Variants in SBF2 observed in about 807,000 individuals in gnomAD.
SBF2 encodes the protein SET binding factor 2, also known as myotubularin-related protein 13.
SBF2 carries 112 observed loss-of-function variants against 225.2 expected under a neutral mutation model. The ratio of observed to expected loss-of-function variants is 0.50; its 90% confidence interval spans 0.43 to 0.58. The LOEUF is 0.58. SBF2 is among the 20% of genes least tolerant of loss of function. The pLI is 0.00. For synonymous variants in SBF2, 763 were observed against 773.3 expected (o/e 0.99, Z 0.22); for missense variants, 1,996 against 2,206.2 (o/e 0.90, Z 1.91).
chr11:9,897,431 T>C (rs1010991718), intron 16 of SBF2, among the ~76,000 whole-genome samples: 2 of 151,946 alleles, frequency 1.3e-5, no homozygotes, highest in East Asian at 1.9e-4. Flanking sequence ...AGAGACGGGG[T>C]TTAACTCCTG....
At chr11:9,861,438 C>A (rs1450744823) in intron 17 of SBF2, among the ~76,000 whole-genome samples, 1 of 152,108 alleles carries the variant, frequency 6.6e-6, no homozygotes, top group South Asian at 2.1e-4. Flanking sequence ...CTGAGACAGG[C>A]AGATCACTGA....
At chr11:9,855,812 G>T (rs1455651730) in intron 19 of SBF2, among the ~76,000 whole-genome samples, 1 of 152,198 alleles carries the variant, frequency 6.6e-6, no homozygotes, top group Non-Finnish European at 1.5e-5. Context: ...ATAAAGTGAG[G>T]AAGTGATTCT....
intron 2 of SBF2, among the ~76,000 whole-genome samples, chr11:10,050,322 A>G (rs924415775): frequency 6.6e-6 from 1 of 152,200 alleles, no homozygotes; most frequent in African/African-American, 2.4e-5. Flanking sequence ...ATATAGGCAT[A>G]TAAGTCCCCT....
intron 17 of SBF2, among the ~76,000 whole-genome samples, chr11:9,885,749 G>A (rs1416867850): frequency 6.6e-6 from 1 of 152,106 alleles, no homozygotes; most frequent in East Asian, 1.9e-4. Context: ...TTATTCTGTT[G>A]TAAAAATTTT....
chr11:10,260,884 G>T (rs539529826), intron 1 of SBF2, among the ~76,000 whole-genome samples: 338 of 84,146 alleles, frequency 4.0e-3, no homozygotes, highest in Admixed American at 0.014. Context: ...CCTCAAAAAA[G>T]AAAAGAAAGA....
chr11:10,261,571 G>A (rs1173709110), intron 1 of SBF2, among the ~76,000 whole-genome samples: 2 of 152,084 alleles, frequency 1.3e-5, no homozygotes, highest in Non-Finnish European at 2.9e-5. Context: ...AGATGTGGTC[G>A]TTTCTTATAA....
At chr11:10,194,791 G>A (rs1957301422) in intron 1 of SBF2, among the ~76,000 whole-genome samples, 1 of 152,160 alleles carries the variant, frequency 6.6e-6, no homozygotes, top group African/African-American at 2.4e-5. Context: ...GATTACAGGT[G>A]TGAGCCACTG....
At chr11:10,268,081 T>C (rs796824165) in intron 1 of SBF2, among the ~76,000 whole-genome samples, 7 of 152,320 alleles carry the variant, frequency 4.6e-5, no homozygotes, top group African/African-American at 1.7e-4. Context: ...ATTTATAAAA[T>C]TCACTCCAGT....
At chr11:10,173,452 C>T (rs1339478444) in intron 2 of SBF2, among the ~76,000 whole-genome samples, 1 of 152,242 alleles carries the variant, frequency 6.6e-6, no homozygotes, top group Non-Finnish European at 1.5e-5. Flanking sequence ...GCTTTTCCGA[C>T]AGGCTTAAAA....
At chr11:9,910,890 C>CAAAAAAAAAAAAA (rs68011518) in intron 16 of SBF2, among the ~76,000 whole-genome samples, 1 of 93,604 alleles carries the variant, frequency 1.1e-5, no homozygotes, top group Non-Finnish European at 2.0e-5. Context: ...TACTAAAATA[C>CAAAAAAAAAAAAA]AAAAAAAAAA....
At chr11:10,193,598 C>T (rs57458435) in intron 2 of SBF2, among the ~76,000 whole-genome samples, 1 of 152,102 alleles carries the variant, frequency 6.6e-6, no homozygotes, top group Non-Finnish European at 1.5e-5. Flanking sequence ...GTAATCCGCC[C>T]GCCTTGGCCT....
chr11:10,246,371 C>T (rs1473329715), intron 1 of SBF2, among the ~76,000 whole-genome samples: 2 of 152,202 alleles, frequency 1.3e-5, no homozygotes, highest in African/African-American at 2.4e-5. Flanking sequence ...GCAACCTCCG[C>T]CTCCCGGGTT....
At chr11:9,876,659 A>G (rs1859268618) in intron 17 of SBF2, among the ~76,000 whole-genome samples, 1 of 152,218 alleles carries the variant, frequency 6.6e-6, no homozygotes. Flanking sequence ...TTGAGAAAAT[A>G]AATTTCTGTT....
intron 7 of SBF2, among the ~76,000 whole-genome samples, chr11:10,002,072 G>T (rs770705797): frequency 6.6e-6 from 1 of 152,108 alleles, no homozygotes; most frequent in South Asian, 2.1e-4. Context: ...TGCAGTAATT[G>T]TCAACTTTGA....
intron 2 of SBF2, among the ~76,000 whole-genome samples, chr11:10,159,819 G>A (rs972730448): frequency 1.3e-5 from 2 of 152,044 alleles, no homozygotes; most frequent in African/African-American, 2.4e-5. Flanking sequence ...GAACCCGGGA[G>A]GCAGAGCTTA....
chr11:9,889,414 T>C (rs1037421650), intron 17 of SBF2, among the ~76,000 whole-genome samples: 1 of 152,178 alleles, frequency 6.6e-6, no homozygotes, highest in Non-Finnish European at 1.5e-5. Flanking sequence ...GATAAACCTG[T>C]GGGTCTTTAC....
At chr11:10,047,599 CTT>C (rs1487351820) in intron 2 of SBF2, among the ~76,000 whole-genome samples, 1 of 152,154 alleles carries the variant, frequency 6.6e-6, no homozygotes, top group Non-Finnish European at 1.5e-5. Context: ...ATCCCCATCT[CTT>C]TGACATTTTC....
intron 16 of SBF2, among the ~76,000 whole-genome samples, chr11:9,910,875 G>A (rs553373335): frequency 7.3e-4 from 87 of 118,620 alleles, no homozygotes; most frequent in African/African-American, 3.0e-3. Flanking sequence ...GTGAAAACTT[G>A]TCTCTACTAA....
intron 4 of SBF2, 26 bp downstream of exon 4, chr11:10,031,022 A>C (rs199930611): frequency 1.9e-6 from 3 of 1,581,150 alleles, no homozygotes; most frequent in Non-Finnish European, 2.6e-6. Context: ...AATACAAATT[A>C]ATAATGATAA....
Sources: allele counts gnomAD v4.1 joint callset (sites outside exome capture counted in the v4.1 genomes callset), GRCh38; gene constraint gnomAD v4.1.1; transcripts MANE v1.5; gene names NCBI Gene and HGNC (gene_info 2026-07-23, HGNC 2026-07-21).